Variants in TAFA1 observed in about 807,000 individuals in gnomAD.
The protein encoded by TAFA1 is TAFA chemokine like family member 1, also known as chemokine-like protein TAFA-1.
TAFA1 carries 4 observed loss-of-function variants against 18.5 expected under a neutral mutation model. The ratio of observed to expected loss-of-function variants is 0.22; its 90% CI spans 0.11 to 0.49. TAFA1 has a LOEUF of 0.49. Ranked by LOEUF, TAFA1 falls within the 20% of genes least tolerant of loss-of-function variation. TAFA1 has a pLI of 0.98. For missense variants in TAFA1, 147 were observed against 169.0 expected, an observed-to-expected ratio of 0.87 and a Z score of 0.72; for synonymous variants, 56 against 55.2, an observed-to-expected ratio of 1.01 and a Z score of -0.06.
chr3:68,522,519 A>C (rs2073044308), intron 3 of TAFA1, among the ~76,000 whole-genome samples: 1 of 152,204 alleles, frequency 6.6e-6, no homozygotes, highest in Non-Finnish European at 1.5e-5. Context: ...GGTGCTTCAG[A>C]GGCAGCACCT....
chr3:68,145,142 C>T (rs1575643189), intron 2 of TAFA1: 3 of 890,914 alleles, frequency 3.4e-6, no homozygotes, highest in Middle Eastern at 2.1e-4. Flanking sequence ...ATGTTTGCTC[C>T]GTAATGACAT....
intron 2 of TAFA1, among the ~76,000 whole-genome samples, chr3:68,148,959 T>C (rs1199656375): frequency 6.6e-6 from 1 of 152,232 alleles, no homozygotes; most frequent in Non-Finnish European, 1.5e-5. Flanking sequence ...ATAAAAGAAA[T>C]TTTTAAATGA....
intron 2 of TAFA1, among the ~76,000 whole-genome samples, chr3:68,390,182 C>A (rs997091184): frequency 1.3e-5 from 2 of 152,114 alleles, no homozygotes; most frequent in African/African-American, 4.8e-5. Flanking sequence ...GGGGCGTCCG[C>A]CATTACTGAG....
chr3:68,118,510 C>T (rs79037006), intron 2 of TAFA1, among the ~76,000 whole-genome samples: 3,478 of 152,244 alleles, frequency 0.023, 49 homozygotes, highest in Middle Eastern at 0.041. Flanking sequence ...TGCTCTATAC[C>T]TTTCAACAAC....
At position 68,439,093 on chromosome 3, in the gene TAFA1, C is replaced by A. The variant is rs1323047604; in HGVS notation, c.259+21673C>A. Among the ~76,000 whole-genome samples, 3 of 152,180 alleles carry A rather than the reference C, an allele frequency of 2.0e-5. No homozygotes were observed. The South Asian group carries it at 6.2e-4, about 32-fold the overall frequency. On this transcript the variant is annotated intron_variant, in intron 3 of 4. Coordinates refer to ENST00000478136, the MANE Select transcript of TAFA1 (RefSeq NM_213609.4). ...GGCTCCCTTCTATCCATGCTAATCT[C>A]TTTAGGAAACAGTCACTGGGCTACA...
Position 68,315,295 on chromosome 3 carries a change from G to A in TAFA1, c.119-101985G>A, listed in dbSNP as rs17047490. 8.2e-3 allele frequency among the ~76,000 whole-genome samples: 1,253 copies of A among 152,250 alleles called. 14 individuals carry two copies. Among genetic ancestry groups the A allele is most frequent in the African/African-American group, 0.029 (1,194 of 41,548 alleles). On this transcript the variant is annotated intron_variant, in intron 2 of 4. Coordinates refer to ENST00000478136, the MANE Select transcript of TAFA1 (RefSeq NM_213609.4). ...TGTCCGAGACATGCTTAGTTACCAA[G>A]TACATGCTTGATTCTGTCATGTTCA...
intron 2 of TAFA1, among the ~76,000 whole-genome samples, chr3:68,109,678 A>ATTGTTG (rs565153738): frequency 1.3e-5 from 2 of 151,986 alleles, no homozygotes; most frequent in East Asian, 1.9e-4. Context: ...TACTAAGAAA[A>ATTGTTG]TTGTTGTTGT....
intron 4 of TAFA1, 62 bp downstream of exon 4, chr3:68,538,942 T>G (rs1282091851): frequency 1.3e-6 from 2 of 1,562,032 alleles, no homozygotes; most frequent in East Asian, 2.3e-5. Flanking sequence ...GAGTTTGTGC[T>G]GTGCAAACAG....
intron 2 of TAFA1, among the ~76,000 whole-genome samples, chr3:68,029,368 T>A (rs998192466): frequency 3.9e-5 from 6 of 152,200 alleles, no homozygotes; most frequent in Non-Finnish European, 7.3e-5. Context: ...CACATCTCAA[T>A]TCAGATGCTC....
At chr3:68,166,676 A>AT (rs1292090577) in intron 2 of TAFA1, among the ~76,000 whole-genome samples, 2 of 152,198 alleles carry the variant, frequency 1.3e-5, no homozygotes, top group Non-Finnish European at 2.9e-5. Flanking sequence ...TGTGAAGCGC[A>AT]TAATGGGAGA....
intron 2 of TAFA1, among the ~76,000 whole-genome samples, chr3:68,142,729 C>A (rs959489743): frequency 1.1e-4 from 16 of 152,202 alleles, no homozygotes; most frequent in African/African-American, 3.9e-4. Context: ...TTTAAATACA[C>A]CCCATGCCTT....
At chr3:68,067,574 A>G (rs1016696202) in intron 2 of TAFA1, among the ~76,000 whole-genome samples, 1 of 152,136 alleles carries the variant, frequency 6.6e-6, no homozygotes, top group South Asian at 2.1e-4. Flanking sequence ...GGCATTTACT[A>G]TTTATTTGTA....
chr3:68,394,602 A>G (rs2070336427), intron 2 of TAFA1, among the ~76,000 whole-genome samples: 1 of 152,176 alleles, frequency 6.6e-6, no homozygotes, highest in Non-Finnish European at 1.5e-5. Flanking sequence ...GTACCAAAAC[A>G]GATATATAGA....
At chr3:68,446,488 G>A (rs2071475756) in intron 3 of TAFA1, among the ~76,000 whole-genome samples, 1 of 152,110 alleles carries the variant, frequency 6.6e-6, no homozygotes, top group South Asian at 2.1e-4. Flanking sequence ...TTAGATATTA[G>A]CAGGAGTTTG....
At chr3:68,248,700 G>T (rs1229208714) in intron 2 of TAFA1, among the ~76,000 whole-genome samples, 1 of 137,944 alleles carries the variant, frequency 7.2e-6, no homozygotes, top group Non-Finnish European at 1.5e-5. Flanking sequence ...AAACATCTGA[G>T]TCCTGAGTTT....
intron 2 of TAFA1, among the ~76,000 whole-genome samples, chr3:68,060,571 T>A (rs2106724471): frequency 6.6e-6 from 1 of 152,296 alleles, no homozygotes; most frequent in African/African-American, 2.4e-5. Context: ...GGTGGGTCCT[T>A]CTCCAGAAAT....
At chr3:68,043,437 T>G (rs764204407) in intron 2 of TAFA1, among the ~76,000 whole-genome samples, 1 of 152,166 alleles carries the variant, frequency 6.6e-6, no homozygotes, top group African/African-American at 2.4e-5. Context: ...AGACTTGTTT[T>G]AAAAAAATAA....
chr3:68,415,826 C>T (rs913620386), intron 2 of TAFA1, among the ~76,000 whole-genome samples: 5 of 152,034 alleles, frequency 3.3e-5, no homozygotes, highest in Non-Finnish European at 7.4e-5. Context: ...ATGACAGAGC[C>T]GAGATTCAAA....
At chr3:68,324,884 T>C (rs2068752889) in intron 2 of TAFA1, among the ~76,000 whole-genome samples, 1 of 152,194 alleles carries the variant, frequency 6.6e-6, no homozygotes, top group African/African-American at 2.4e-5. Flanking sequence ...TTCTGTTTTG[T>C]AGTTTGGCTC....
Sources: allele counts gnomAD v4.1 joint callset (sites outside exome capture counted in the v4.1 genomes callset), GRCh38; gene constraint gnomAD v4.1.1; transcripts MANE v1.5; gene names NCBI Gene and HGNC (gene_info 2026-07-23, HGNC 2026-07-21).